FOCAD: variants seen among roughly 807,000 people sequenced by gnomAD.
The protein encoded by FOCAD is focadhesin, also known as KIAA1797.
A neutral mutation model predicts 225.6 loss-of-function variants in FOCAD; 198 were observed. That is an observed-to-expected ratio of 0.88 (90% CI 0.78 to 0.99). The LOEUF (loss-of-function observed/expected upper bound fraction) is 0.99. Among genes scored for constraint, FOCAD ranks in the 50% least tolerant of loss-of-function variants. The probability of loss-of-function intolerance (pLI) is 0.00; values close to 1 mark genes in which losing one functional copy is unlikely to be tolerated. For synonymous variants in FOCAD, 897 were observed against 755.0 expected, an observed-to-expected ratio of 1.19 and a Z score of -3.08; for missense variants, 2,713 against 2,123.6, an observed-to-expected ratio of 1.28 and a Z score of -5.46.
chr9:20,923,818 C>T, intron 25 of FOCAD, 50 bp downstream of exon 25: 2 of 1,452,628 alleles, frequency 1.4e-6, no homozygotes, highest in Non-Finnish European at 1.9e-6. Flanking sequence ...CTTTTTAAGC[C>T]TGGCTTTAGG....
intron 1 of FOCAD, among the ~76,000 whole-genome samples, chr9:20,714,638 T>G (rs2183932): frequency 0.12 from 6,730 of 54,044 alleles, 299 homozygotes; most frequent in Middle Eastern, 0.15. Flanking sequence ...CTGCCTGCCT[T>G]CCTTCCTTCC....
In FOCAD at chr9:20,693,986, C is replaced by G. The variant is rs1823141562; in HGVS notation, c.-33+9693C>G. ...TTGGCCTCTCAAAGTGCTGGGATTG[C>G]AGGTGTGAGCCACCGTGCCCAGCTG... On this transcript the variant is annotated intron_variant, in intron 1 of 43. Coordinates refer to ENST00000338382, the MANE Select transcript of FOCAD (RefSeq NM_001375567.1). Among the ~76,000 whole-genome samples, 4 of 152,220 alleles carry G rather than the reference C, an allele frequency of 2.6e-5. No homozygotes were observed. In the South Asian group the frequency reaches 8.3e-4, roughly 31 times the overall value.
At chr9:20,984,385 A>G (rs189347605) in intron 39 of FOCAD, among the ~76,000 whole-genome samples, 1 of 152,192 alleles carries the variant, frequency 6.6e-6, no homozygotes, top group African/African-American at 2.4e-5. Context: ...ATTGTTGAGG[A>G]TGCCAAAGAG....
At chr9:20,958,804 C>T (rs2132440516) in intron 35 of FOCAD, among the ~76,000 whole-genome samples, 1 of 152,238 alleles carries the variant, frequency 6.6e-6, no homozygotes, top group African/African-American at 2.4e-5. Flanking sequence ...ACTTTCTGTT[C>T]CTGGCTTATT....
intron 1 of FOCAD, among the ~76,000 whole-genome samples, chr9:20,713,608 T>G (rs1586919543): frequency 6.6e-6 from 1 of 152,356 alleles, no homozygotes; most frequent in South Asian, 2.1e-4. Context: ...GACTGTAAGC[T>G]CCATAAATGC....
At chr9:20,820,873 T>G (rs1439037723) in intron 13 of FOCAD, 68 bp from the exon 14 acceptor site, 3 of 1,553,544 alleles carry the variant, frequency 1.9e-6, no homozygotes, top group Non-Finnish European at 2.6e-6. Flanking sequence ...AAATGCTGAG[T>G]AAAAGGAAGA....
In FOCAD at chr9:20,928,226, C is replaced by T. The variant is rs191728141; in HGVS notation, c.3079-1132C>T. Among the ~76,000 whole-genome samples the T allele has an allele frequency of 9.2e-5, 14 of 152,226 alleles. No individual in the cohort carries two copies. In the East Asian group the frequency reaches 2.3e-3, roughly 25 times the overall value. On this transcript the variant is annotated intron_variant, in intron 26 of 43. Coordinates refer to ENST00000338382, the MANE Select transcript of FOCAD (RefSeq NM_001375567.1). ...CTTTACTAGTCAGCTCTGATTGTCT[C>T]TTACCTTTGTGAGGTTTTGCATTAC...
chr9:20,665,689 G>A (rs1346430323), intron 2 of FOCAD, among the ~76,000 whole-genome samples: 1 of 152,112 alleles, frequency 6.6e-6, no homozygotes, highest in African/African-American at 2.4e-5. Context: ...TTGGATGTTT[G>A]CTTTTCCCGG....
intron 2 of FOCAD, among the ~76,000 whole-genome samples, chr9:20,664,296 A>G (rs1821830913): frequency 6.7e-6 from 1 of 149,308 alleles, no homozygotes; most frequent in Admixed American, 6.8e-5. Context: ...TGACTAAGTG[A>G]TCTGACATCT....
At chr9:20,845,459 A>ATATATATATATG (rs560366369) in intron 15 of FOCAD, among the ~76,000 whole-genome samples, 1 of 148,456 alleles carries the variant, frequency 6.7e-6, no homozygotes, top group Non-Finnish European at 1.5e-5. Context: ...ATATATATAT[A>ATATATATATATG]TATATATGAC....
At chr9:20,988,224 T>G in intron 40 of FOCAD, 108 bp from the exon 41 acceptor site, 1 of 608,234 alleles carries the variant, frequency 1.6e-6, no homozygotes, top group Non-Finnish European at 2.9e-6. Context: ...AACTGGTTAA[T>G]GGAATCCTCA....
chr9:20,779,459 G>A (rs977379449), intron 9 of FOCAD, among the ~76,000 whole-genome samples: 1 of 152,146 alleles, frequency 6.6e-6, no homozygotes, highest in Non-Finnish European at 1.5e-5. Flanking sequence ...TAAAAAGTAC[G>A]TGAGAGGCCA....
At chr9:20,708,731 G>T (rs1824592110) in intron 1 of FOCAD, among the ~76,000 whole-genome samples, 1 of 151,598 alleles carries the variant, frequency 6.6e-6, no homozygotes. Context: ...ACCTATGATT[G>T]TGTCACTGTA....
intron 11 of FOCAD, among the ~76,000 whole-genome samples, chr9:20,799,444 G>C (rs1227935766): frequency 6.6e-6 from 1 of 151,822 alleles, no homozygotes; most frequent in Non-Finnish European, 1.5e-5. Context: ...GTTGACAGTG[G>C]GGTGTTAAAG....
chr9:20,918,606 C>G (rs1834076499), intron 24 of FOCAD, among the ~76,000 whole-genome samples: 1 of 151,876 alleles, frequency 6.6e-6, no homozygotes, highest in Non-Finnish European at 1.5e-5. Context: ...CGCCTGTAGT[C>G]CCAGCTACTT....
chr9:20,686,760 A>G (rs1371615155), intron 1 of FOCAD, among the ~76,000 whole-genome samples: 1 of 152,184 alleles, frequency 6.6e-6, no homozygotes, highest in Admixed American at 6.5e-5. Flanking sequence ...GTATACTTAT[A>G]TGAGTATAAG....
chr9:20,981,993 C>A (rs1291605917), intron 38 of FOCAD, among the ~76,000 whole-genome samples: 5 of 152,152 alleles, frequency 3.3e-5, no homozygotes, highest in African/African-American at 1.2e-4. Context: ...ACGCTTTACA[C>A]CTGGAGAATC....
At chr9:20,947,483 C>T (rs560971062) in intron 30 of FOCAD, among the ~76,000 whole-genome samples, 5 of 152,100 alleles carry the variant, frequency 3.3e-5, no homozygotes, top group South Asian at 2.1e-4. Context: ...GGTGGTTGCT[C>T]GGGCCTACAG....
chr9:20,684,909 G>C (rs1191621701), intron 1 of FOCAD, among the ~76,000 whole-genome samples: 1 of 152,230 alleles, frequency 6.6e-6, no homozygotes, highest in Non-Finnish European at 1.5e-5. Context: ...TGTATGTTTT[G>C]AAATTTTCGC....
Sources: allele counts gnomAD v4.1 joint callset (sites outside exome capture counted in the v4.1 genomes callset), GRCh38; gene constraint gnomAD v4.1.1; transcripts MANE v1.5; gene names NCBI Gene and HGNC (gene_info 2026-07-23, HGNC 2026-07-21).